Variants in PRKG1 observed in about 807,000 individuals in gnomAD.
PRKG1 encodes the protein cGMP-dependent protein kinase 1.
A neutral mutation model predicts 88.1 loss-of-function variants in PRKG1; 35 were observed. That is an observed-to-expected ratio of 0.40 (90% CI 0.30 to 0.53). The LOEUF is 0.53. PRKG1 is among the 20% of genes least tolerant of loss of function. The pLI is 0.59. For missense variants in PRKG1, 540 were observed against 839.8 expected (o/e 0.64, Z 4.41); for synonymous variants, 303 against 292.5 (o/e 1.04, Z -0.37).
intron 3 of PRKG1, among the ~76,000 whole-genome samples, chr10:51,593,972 G>A (rs562024650): frequency 1.3e-5 from 2 of 151,844 alleles, no homozygotes; most frequent in South Asian, 2.1e-4. Context: ...TAATCTACCC[G>A]CCCTTGGCCT....
intron 5 of PRKG1, among the ~76,000 whole-genome samples, chr10:51,938,748 C>G (rs953382150): frequency 2.0e-5 from 3 of 151,920 alleles, no homozygotes; most frequent in Non-Finnish European, 4.4e-5. Context: ...TACCCAAAAT[C>G]AAGTCCCACT....
intron 2 of PRKG1, among the ~76,000 whole-genome samples, chr10:51,228,500 C>T (rs550904017): frequency 6.6e-5 from 10 of 152,174 alleles, no homozygotes; most frequent in African/African-American, 2.4e-4. Context: ...TAATCCTGTC[C>T]CCAGATCATG....
chr10:51,859,594 T>C (rs1840815808), intron 4 of PRKG1, among the ~76,000 whole-genome samples: 2 of 151,978 alleles, frequency 1.3e-5, no homozygotes, highest in South Asian at 4.2e-4. Flanking sequence ...CATGCCAAAT[T>C]AACACTCTAC....
At chr10:51,392,343 A>C (rs1182400410) in intron 2 of PRKG1, among the ~76,000 whole-genome samples, 2 of 151,928 alleles carry the variant, frequency 1.3e-5, no homozygotes, top group Non-Finnish European at 2.9e-5. Context: ...CTTAAGGAGC[A>C]TGCTGCCTTC....
chr10:52,273,901 T>C (rs542190353), intron 12 of PRKG1, among the ~76,000 whole-genome samples: 1 of 152,200 alleles, frequency 6.6e-6, no homozygotes, highest in African/African-American at 2.4e-5. Flanking sequence ...TCAGAATGTA[T>C]AGTTTGTGGC....
chr10:51,705,781 A>G (rs1010673638), intron 3 of PRKG1, among the ~76,000 whole-genome samples: 1 of 152,264 alleles, frequency 6.6e-6, no homozygotes, highest in Non-Finnish European at 1.5e-5. Flanking sequence ...AACTAGCAGA[A>G]CGAGGATTTG....
At chr10:52,017,467 C>A in intron 5 of PRKG1, among the ~76,000 whole-genome samples, 1 of 152,024 alleles carries the variant, frequency 6.6e-6, no homozygotes, top group East Asian at 1.9e-4. Flanking sequence ...GATTCTGGGG[C>A]GATTCCAAGG....
chr10:51,608,777 C>T (rs1251994230), intron 3 of PRKG1, among the ~76,000 whole-genome samples: 1 of 152,118 alleles, frequency 6.6e-6, no homozygotes, highest in Non-Finnish European at 1.5e-5. Context: ...AGTGCCATAA[C>T]ATTATAATAG....
At chr10:51,568,234 T>G (rs1273690146) in intron 3 of PRKG1, among the ~76,000 whole-genome samples, 1 of 152,082 alleles carries the variant, frequency 6.6e-6, no homozygotes, top group Non-Finnish European at 1.5e-5. Flanking sequence ...TAAGATGACA[T>G]TTTATTGGCA....
At chr10:51,822,135 T>A (rs1019284552) in intron 4 of PRKG1, among the ~76,000 whole-genome samples, 8 of 152,060 alleles carry the variant, frequency 5.3e-5, no homozygotes, top group African/African-American at 1.9e-4. Flanking sequence ...AACATATGTA[T>A]GTATGTCATA....
chr10:51,397,407 G>A lies in PRKG1; in HGVS notation c.479-70316G>A, dbSNP rs542733715. 1.6e-4 allele frequency among the ~76,000 whole-genome samples: 25 copies of A among 152,100 alleles called. 1 individual carries two copies. In the South Asian group the frequency reaches 4.8e-3, roughly 29 times the overall value. On this transcript the variant is annotated intron_variant, in intron 2 of 17. Transcript: ENST00000373980. ...ACCTATAAATCATACATGTACATGT[G>A]GAATTTTTAACCTTTTACAGGTTCA... is the stretch of plus-strand genomic sequence containing the variant.
At chr10:51,735,930 C>CTTTT (rs1180307253) in intron 3 of PRKG1, among the ~76,000 whole-genome samples, 35 of 74,960 alleles carry the variant, frequency 4.7e-4, no homozygotes, top group East Asian at 8.3e-4. Flanking sequence ...TTTAAGTTGT[C>CTTTT]TTTTTTTTTT....
At chr10:51,212,843 A>G (rs1371027500) in intron 2 of PRKG1, among the ~76,000 whole-genome samples, 1 of 152,210 alleles carries the variant, frequency 6.6e-6, no homozygotes, top group African/African-American at 2.4e-5. Context: ...ATGTGAAGAA[A>G]TAGGAACACT....
At chr10:51,828,303 C>T (rs1839925399) in intron 4 of PRKG1, among the ~76,000 whole-genome samples, 2 of 151,598 alleles carry the variant, frequency 1.3e-5, no homozygotes, top group Non-Finnish European at 2.9e-5. Flanking sequence ...TTTCATAATC[C>T]TCACGTGAAA....
intron 3 of PRKG1, among the ~76,000 whole-genome samples, chr10:51,674,177 T>C (rs961681453): frequency 1.8e-4 from 27 of 152,318 alleles, no homozygotes; most frequent in African/African-American, 6.3e-4. Context: ...TGGTTTTTGT[T>C]TTTTTATTAT....
At chr10:51,143,427 G>A (rs1845869457) in intron 1 of PRKG1, among the ~76,000 whole-genome samples, 2 of 152,054 alleles carry the variant, frequency 1.3e-5, no homozygotes, top group Admixed American at 1.3e-4. Context: ...ATTGCAAATA[G>A]TGCTGCAATA....
chr10:51,652,467 G>A (rs559720003), intron 3 of PRKG1, among the ~76,000 whole-genome samples: 2 of 152,050 alleles, frequency 1.3e-5, no homozygotes, highest in African/African-American at 2.4e-5. Context: ...TAGAAAAAGA[G>A]GGAAAGAGTC....
intron 2 of PRKG1, among the ~76,000 whole-genome samples, chr10:51,462,780 A>T (rs1839779846): frequency 6.6e-6 from 1 of 152,218 alleles, no homozygotes; most frequent in South Asian, 2.1e-4. Flanking sequence ...AACTGTTTCA[A>T]ATCTTCTCTC....
At chr10:51,312,092 G>A (rs192586964) in intron 2 of PRKG1, among the ~76,000 whole-genome samples, 7 of 152,160 alleles carry the variant, frequency 4.6e-5, no homozygotes, top group African/African-American at 1.7e-4. Context: ...GGTTGGTCTC[G>A]AACTCCTGAC....
Sources: allele counts gnomAD v4.1 joint callset (sites outside exome capture counted in the v4.1 genomes callset), GRCh38; gene constraint gnomAD v4.1.1; transcripts MANE v1.5; gene names NCBI Gene and HGNC (gene_info 2026-07-23, HGNC 2026-07-21).